Variants in KLHL12 observed in about 807,000 individuals in gnomAD.
KLHL12 encodes the protein kelch like family member 12.
In KLHL12, 17 loss-of-function variants were observed where a neutral mutation model predicts 60.8. The observed-to-expected ratio is 0.28, with a 90% confidence interval of 0.19 to 0.42. KLHL12 has a LOEUF of 0.42. KLHL12 is among the 10% of genes least tolerant of loss of function. The pLI is 1.00. For synonymous variants in KLHL12, 220 were observed against 250.9 expected, an observed-to-expected ratio of 0.88 and a Z score of 1.16; for missense variants, 468 against 722.3, an observed-to-expected ratio of 0.65 and a Z score of 4.04.
At chr1:202,908,952 GT>G in intron 6 of KLHL12, 57 bp downstream of exon 6, 1 of 1,059,116 alleles carries the variant, frequency 9.4e-7, no homozygotes, top group Non-Finnish European at 1.5e-6. Context: ...CAACTATGTT[GT>G]CACCTGCAAG....
intron 6 of KLHL12, among the ~76,000 whole-genome samples, chr1:202,904,364 T>C (rs1386384299): frequency 1.9e-5 from 2 of 103,886 alleles, no homozygotes; most frequent in Non-Finnish European, 4.8e-5. Flanking sequence ...CATAATTTTG[T>C]ATATGATTTT....
chr1:202,912,206 G>C, intron 4 of KLHL12: 3 of 1,047,502 alleles, frequency 2.9e-6, no homozygotes, highest in South Asian at 1.2e-5. Context: ...TTGGAAAAAC[G>C]GAAGTGATTG....
chr1:202,897,731 ATC>A (rs1250151150), intron 6 of KLHL12, among the ~76,000 whole-genome samples: 1 of 151,772 alleles, frequency 6.6e-6, no homozygotes, highest in Non-Finnish European at 1.5e-5. Flanking sequence ...TGGATTTAAA[ATC>A]TCTTTTTCTT....
intron 6 of KLHL12, among the ~76,000 whole-genome samples, chr1:202,897,671 C>T (rs1318049126): frequency 6.6e-6 from 1 of 152,168 alleles, no homozygotes; most frequent in Non-Finnish European, 1.5e-5. Flanking sequence ...AAGAACTCTC[C>T]TAACCTTGTC....
chr1:202,896,082 G>A (rs879803891), intron 7 of KLHL12, among the ~76,000 whole-genome samples: 4 of 152,206 alleles, frequency 2.6e-5, no homozygotes, highest in Non-Finnish European at 5.9e-5. Flanking sequence ...ATCAAAGGAT[G>A]AGGATTTATT....
intron 4 of KLHL12, chr1:202,912,788 G>C: frequency 9.8e-7 from 1 of 1,022,594 alleles, no homozygotes; most frequent in Non-Finnish European, 1.5e-6. Context: ...GGAAGCTACA[G>C]GTTACAACAG....
chr1:202,897,224 T>C, intron 6 of KLHL12, among the ~76,000 whole-genome samples: 1 of 144,750 alleles, frequency 6.9e-6, no homozygotes, highest in Non-Finnish European at 1.5e-5. Context: ...CACCATTTCT[T>C]TTTCTTTTTT....
At chr1:202,911,316 T>C in intron 4 of KLHL12, 113 bp from the exon 5 acceptor site, 1 of 1,186,304 alleles carries the variant, frequency 8.4e-7, no homozygotes, top group Non-Finnish European at 1.2e-6. Context: ...ACCACCATTA[T>C]TTCCCATCTT....
At chr1:202,921,165 T>C (rs10800879) in intron 2 of KLHL12, among the ~76,000 whole-genome samples, 151,107 of 151,154 alleles carry the variant, frequency 1, 75,530 homozygotes, top group Middle Eastern at 1. Context: ...AGTACACCAC[T>C]ACAACCAGCT....
intron 4 of KLHL12, among the ~76,000 whole-genome samples, chr1:202,915,406 A>C (rs1660493312): frequency 6.6e-6 from 1 of 152,176 alleles, no homozygotes; most frequent in African/African-American, 2.4e-5. Context: ...TGGTATAGGG[A>C]ACAGAAAAAT....
intron 4 of KLHL12, among the ~76,000 whole-genome samples, chr1:202,913,882 T>C (rs146558988): frequency 3.9e-5 from 6 of 152,310 alleles, no homozygotes; most frequent in Non-Finnish European, 5.9e-5. Context: ...AGCTTCTCAG[T>C]TGCATTAGCC....
At chr1:202,892,694 C>A in intron 11 of KLHL12, 35 bp from the exon 12 acceptor site, 1 of 1,606,634 alleles carries the variant, frequency 6.2e-7, no homozygotes, top group South Asian at 1.1e-5. Flanking sequence ...AGAAATGAGT[C>A]AGCTGCGTGC....
intron 6 of KLHL12, among the ~76,000 whole-genome samples, chr1:202,898,799 G>A (rs1287909158): frequency 6.6e-6 from 1 of 151,906 alleles, no homozygotes; most frequent in Non-Finnish European, 1.5e-5. Context: ...AGCAACGTGT[G>A]GACTTTGTCT....
upstream of KLHL12, among the ~76,000 whole-genome samples, chr1:202,927,753 G>A (rs974969755): frequency 6.6e-6 from 1 of 150,878 alleles, no homozygotes; most frequent in African/African-American, 2.4e-5. Context: ...GCCGAGGCGG[G>A]TGTATTACTT....
chr1:202,926,585 A>G (rs981799949), intron 1 of KLHL12, among the ~76,000 whole-genome samples: 1 of 152,216 alleles, frequency 6.6e-6, no homozygotes, highest in African/African-American at 2.4e-5. Flanking sequence ...TTTACTATGA[A>G]GACAGCCCGG....
intron 4 of KLHL12, among the ~76,000 whole-genome samples, chr1:202,917,026 C>T (rs1415161518): frequency 2.0e-5 from 3 of 151,826 alleles, no homozygotes; most frequent in Non-Finnish European, 4.4e-5. Context: ...ATACTATGGG[C>T]TTCAAAGACA....
chr1:202,907,214 G>A (rs910759453), intron 6 of KLHL12, among the ~76,000 whole-genome samples: 3 of 152,166 alleles, frequency 2.0e-5, no homozygotes, highest in African/African-American at 7.2e-5. Context: ...GTATCTTTGA[G>A]TGGTAAGATT....
At chr1:202,906,694 C>T (rs77609694) in intron 6 of KLHL12, among the ~76,000 whole-genome samples, 11 of 152,094 alleles carry the variant, frequency 7.2e-5, no homozygotes, top group Non-Finnish European at 4.4e-5. Flanking sequence ...TGGAGTCTCA[C>T]TCTGTCGCCC....
In KLHL12 at chr1:202,896,949, C is replaced by T. The variant is rs775908332; in HGVS notation, c.844G>A (p.Val282Met). ...RTRARLGANE[V>M]LLVVGGFGSQ... is the part of the protein sequence containing the mutation. ...CCAAAGCCCCCAACCACCAAAAGCA[C>T]TTCATTGGCTCCTGAAGACAAAGGC... Residue 282 changes from valine to methionine, a missense_variant, in exon 7 of 12, where the codon GTG becomes ATG. By Grantham distance (21) the Val-to-Met change is conservative. Coordinates refer to ENST00000367261, the MANE Select transcript of KLHL12 (RefSeq NM_021633.4). 6 of 1,613,928 alleles carry T rather than the reference C, an allele frequency of 3.7e-6. No homozygotes were observed. Among genetic ancestry groups the T allele is most frequent in the Non-Finnish European group, 5.1e-6 (6 of 1,179,938 alleles).
Sources: gnomAD v4.1 joint callset for allele counts (sites outside exome capture counted in the v4.1 genomes callset) on GRCh38, gnomAD v4.1.1 for gene constraint, MANE v1.5 for transcripts, NCBI Gene and HGNC (gene_info 2026-07-23, HGNC 2026-07-21) for gene names.